Variants in STXBP5L observed in about 807,000 individuals in gnomAD.
STXBP5L encodes syntaxin-binding protein 5-like.
In STXBP5L, 65 loss-of-function variants were observed where a neutral mutation model predicts 144.5. The observed-to-expected ratio is 0.45, with a 90% CI of 0.37 to 0.55. The LOEUF is 0.55. Among genes scored for constraint, STXBP5L ranks in the 20% least tolerant of loss-of-function variants. The probability of loss-of-function intolerance (pLI) is 0.00; values close to 1 mark genes in which losing one functional copy is unlikely to be tolerated. For synonymous variants in STXBP5L, 505 were observed against 469.6 expected (o/e 1.08, Z -0.97); for missense variants, 1,298 against 1,405.5 (o/e 0.92, Z 1.22).
intron 20 of STXBP5L, among the ~76,000 whole-genome samples, chr3:121,338,756 C>T (rs2108576434): frequency 6.6e-6 from 1 of 152,060 alleles, no homozygotes; most frequent in South Asian, 2.1e-4. Flanking sequence ...TTATTTAAGA[C>T]TACTATGAAC....
intron 19 of STXBP5L, among the ~76,000 whole-genome samples, chr3:121,314,055 C>CGCTCCT (rs2043678334): frequency 6.7e-6 from 1 of 150,296 alleles, no homozygotes; most frequent in Admixed American, 6.6e-5. Flanking sequence ...GGGGAAGAGG[C>CGCTCCT]GCTCCTCGCT....
chr3:121,215,060 C>T (rs778618592), intron 10 of STXBP5L, among the ~76,000 whole-genome samples: 2 of 151,450 alleles, frequency 1.3e-5, no homozygotes, highest in Non-Finnish European at 2.9e-5. Context: ...GCTTGGTAAA[C>T]AGTTCTCCAT....
chr3:120,919,502 T>G (rs1709261712), intron 2 of STXBP5L, among the ~76,000 whole-genome samples: 1 of 151,962 alleles, frequency 6.6e-6, no homozygotes, highest in Non-Finnish European at 1.5e-5. Flanking sequence ...AATATTTACA[T>G]AATTCAAAAG....
intron 2 of STXBP5L, among the ~76,000 whole-genome samples, chr3:120,931,338 G>T (rs1449473583): frequency 6.6e-6 from 1 of 152,170 alleles, no homozygotes; most frequent in Non-Finnish European, 1.5e-5. Flanking sequence ...TGGATAAGGG[G>T]AGCCTTTAGC....
At chr3:120,989,632 A>G (rs1942637188) in intron 3 of STXBP5L, among the ~76,000 whole-genome samples, 1 of 151,980 alleles carries the variant, frequency 6.6e-6, no homozygotes, top group Admixed American at 6.6e-5. Flanking sequence ...CTATAACTCG[A>G]ATTTTATGTT....
chr3:121,378,767 G>C lies in STXBP5L; in HGVS notation c.2228G>C (p.Gly743Ala). The change falls in exon 21 of 27, where the codon GGA (glycine) becomes GCA (alanine). Residue 743 changes from glycine to alanine, a missense_variant. Physicochemically the swap from Gly to Ala is moderately conservative, Grantham distance 60 (BLOSUM62 0). Transcript: ENST00000471454. ...TSPTSQSCSSGKRLSSADVSK... is the reference protein window; with the variant it reads ...TSPTSQSCSSAKRLSSADVSK... ...CCAACTTCTCAGAGTTGCAGTTCTG[G>C]AAAACGTCTTTCTAGTGCCGATGTT... 1 of 1,613,720 alleles carries C rather than the reference G, an allele frequency of 6.2e-7. No homozygotes were observed. The highest frequency in any genetic ancestry group is 8.5e-7 in the Non-Finnish European group (1 of 1,179,820).
intron 2 of STXBP5L, among the ~76,000 whole-genome samples, chr3:120,911,209 A>C (rs919485722): frequency 6.6e-6 from 1 of 152,158 alleles, no homozygotes; most frequent in Non-Finnish European, 1.5e-5. Flanking sequence ...TGTTGAGGTC[A>C]TAAAGCTTGT....
rs532079134 is a variant in STXBP5L, at chr3:121,159,151, T to C, written c.877+1524T>C. Among the ~76,000 whole-genome samples, 388 of 152,056 alleles carry C rather than the reference T, an allele frequency of 2.6e-3. 2 individuals carry two copies. The highest frequency in any genetic ancestry group is 4.6e-3 in the Non-Finnish European group (312 of 67,946). On this transcript the variant is annotated intron_variant, in intron 9 of 26. Transcript: ENST00000471454. ...TTTTTATTTTCTAAAATAAAACTTT[T>C]CTCTAAGTACCACTTTAGATATATC...
At chr3:120,987,802 A>C (rs993299160) in intron 3 of STXBP5L, among the ~76,000 whole-genome samples, 1 of 151,756 alleles carries the variant, frequency 6.6e-6, no homozygotes, top group African/African-American at 2.4e-5. Context: ...TATCTGGGTA[A>C]TACTATCTTC....
At chr3:121,117,750 G>C (rs556705690) in intron 6 of STXBP5L, among the ~76,000 whole-genome samples, 1 of 151,608 alleles carries the variant, frequency 6.6e-6, no homozygotes, top group South Asian at 2.1e-4. Context: ...TATTTTTAGT[G>C]AATTATTCTA....
intron 20 of STXBP5L, among the ~76,000 whole-genome samples, chr3:121,370,453 C>T (rs888741063): frequency 3.3e-5 from 5 of 152,172 alleles, no homozygotes; most frequent in African/African-American, 1.2e-4. Flanking sequence ...TTGTAAGTTT[C>T]CTGAGGCCTC....
intron 3 of STXBP5L, among the ~76,000 whole-genome samples, chr3:121,018,119 T>C (rs1187363212): frequency 6.6e-6 from 1 of 152,120 alleles, no homozygotes; most frequent in East Asian, 1.9e-4. Flanking sequence ...ATATTCCAGG[T>C]ACATGGATAG....
intron 9 of STXBP5L, among the ~76,000 whole-genome samples, chr3:121,174,262 A>T (rs752309966): frequency 7.2e-5 from 11 of 152,134 alleles, no homozygotes; most frequent in Non-Finnish European, 1.0e-4. Context: ...ATAAATTTTA[A>T]CTTCTATGAT....
intron 5 of STXBP5L, among the ~76,000 whole-genome samples, chr3:121,075,222 G>T (rs2041970377): frequency 6.6e-6 from 1 of 151,930 alleles, no homozygotes; most frequent in Non-Finnish European, 1.5e-5. Flanking sequence ...TTCTCTCTCT[G>T]GACATTCATT....
Position 121,258,967 on chromosome 3 carries a change from T to G in STXBP5L, c.1833-76T>G, listed in dbSNP as rs971986871. 70 of 1,385,354 alleles carry G rather than the reference T, an allele frequency of 5.1e-5. No homozygotes were observed. The African/African-American group carries it at 9.6e-4, about 19-fold the overall frequency. 85.8% of individuals were successfully genotyped at this position (1,385,354 alleles called of 1,614,324 possible). On this transcript the variant is annotated intron_variant, in intron 17 of 26. Transcript: ENST00000471454. The stretch of plus-strand genomic sequence containing the variant: ...GTGTTGTATATTTCTGTAGCATGAT[T>G]CTATGTAAATTCTCAAGATAAGTTT...
intron 2 of STXBP5L, among the ~76,000 whole-genome samples, chr3:120,945,830 G>A (rs1294665476): frequency 2.0e-5 from 3 of 151,702 alleles, no homozygotes; most frequent in Non-Finnish European, 4.4e-5. Flanking sequence ...TAGCAGTACT[G>A]AAAAAAGAAT....
intron 3 of STXBP5L, among the ~76,000 whole-genome samples, chr3:121,017,221 C>T (rs1161644821): frequency 6.6e-6 from 1 of 152,082 alleles, no homozygotes; most frequent in East Asian, 1.9e-4. Flanking sequence ...GTAAGCATTG[C>T]ATTTGACAAA....
chr3:120,975,604 G>T lies in STXBP5L; in HGVS notation c.287+20567G>T, dbSNP rs1370453387. 2.6e-5 allele frequency among the ~76,000 whole-genome samples: 4 copies of T among 152,224 alleles called. No individual in the cohort carries two copies. The South Asian group carries it at 8.3e-4, about 32-fold the overall frequency. Reference sequence around the variant, plus strand: ...TGTTGAATAGGAGTGGTGAGAGAGGGCATCCCTGTCTTGTGCCAGTTTTCA... The same window carrying T: ...TGTTGAATAGGAGTGGTGAGAGAGGTCATCCCTGTCTTGTGCCAGTTTTCA... On this transcript the variant is annotated intron_variant, in intron 3 of 26. Transcript: ENST00000471454.
At chr3:121,277,546 T>C (rs2050923366) in intron 18 of STXBP5L, among the ~76,000 whole-genome samples, 1 of 152,084 alleles carries the variant, frequency 6.6e-6, no homozygotes, top group Non-Finnish European at 1.5e-5. Flanking sequence ...TTATCTGTAA[T>C]ATGCTTTGAA....
Sources: allele counts gnomAD v4.1 joint callset (sites outside exome capture counted in the v4.1 genomes callset), GRCh38; gene constraint gnomAD v4.1.1; transcripts MANE v1.5; gene names NCBI Gene and HGNC (gene_info 2026-07-23, HGNC 2026-07-21).